The following SLC2A9 variants were observed in gnomAD, a reference collection of about 807,000 sequenced individuals.
The protein encoded by SLC2A9 is solute carrier family 2 member 9.
SLC2A9 carries 39 observed loss-of-function variants against 50.6 expected under a neutral mutation model. The observed-to-expected ratio is 0.77, with a 90% CI of 0.60 to 1.01. The LOEUF is 1.01. Ranked by LOEUF, SLC2A9 falls within the 50% of genes least tolerant of loss-of-function variation. The pLI is 0.00. For missense variants in SLC2A9, 686 were observed against 677.6 expected, an observed-to-expected ratio of 1.01 and a Z score of -0.14; for synonymous variants, 324 against 276.9, an observed-to-expected ratio of 1.17 and a Z score of -1.69.
intron 10 of SLC2A9, among the ~76,000 whole-genome samples, chr4:9,867,039 CT>C (rs1732599900): frequency 6.6e-6 from 1 of 152,228 alleles, no homozygotes; most frequent in South Asian, 2.1e-4. Context: ...CCTTCAAGAA[CT>C]TTTTGTCAGC....
chr4:9,980,083 G>A (rs1391569236), intron 5 of SLC2A9, among the ~76,000 whole-genome samples: 1 of 152,042 alleles, frequency 6.6e-6, no homozygotes, highest in Non-Finnish European at 1.5e-5. Context: ...CATCGAACTG[G>A]GATTCAAATT....
intron 7 of SLC2A9, among the ~76,000 whole-genome samples, chr4:9,909,830 A>G (rs565537152): frequency 1.3e-5 from 2 of 152,336 alleles, no homozygotes; most frequent in Non-Finnish European, 1.5e-5. Context: ...CCTTATGAAC[A>G]TTTATGAACA....
chr4:9,874,110 C>T (rs111467650), intron 10 of SLC2A9, among the ~76,000 whole-genome samples: 8 of 152,256 alleles, frequency 5.3e-5, no homozygotes, highest in South Asian at 4.2e-4. Context: ...TACTCCAGAG[C>T]GTCTCTCCAG....
chr4:9,955,867 A>ATTTTTTTT (rs1170286158), intron 5 of SLC2A9, among the ~76,000 whole-genome samples: 4 of 61,690 alleles, frequency 6.5e-5, no homozygotes, highest in African/African-American at 1.4e-4. Context: ...AAGCATCTGG[A>ATTTTTTTT]TTTTTTTTTT....
chr4:9,821,222 G>T (rs1461508973), intron 3 of SLC2A9, among the ~76,000 whole-genome samples: 1 of 152,110 alleles, frequency 6.6e-6, no homozygotes, highest in African/African-American at 2.4e-5. Context: ...TAATATGGGG[G>T]ATTAAATTGA....
At chr4:9,892,190 C>T (rs372668184) in intron 8 of SLC2A9, among the ~76,000 whole-genome samples, 4 of 152,194 alleles carry the variant, frequency 2.6e-5, no homozygotes, top group East Asian at 1.9e-4. Flanking sequence ...GCTGCCTGTC[C>T]GAAGGGCATA....
At chr4:9,901,351 G>A (rs998251862) in intron 8 of SLC2A9, among the ~76,000 whole-genome samples, 2 of 152,158 alleles carry the variant, frequency 1.3e-5, no homozygotes, top group African/African-American at 4.8e-5. Flanking sequence ...AAAAAGGAAT[G>A]TCTGTCAAGG....
At chr4:9,883,438 C>A (rs1735593820) in intron 10 of SLC2A9, among the ~76,000 whole-genome samples, 1 of 152,204 alleles carries the variant, frequency 6.6e-6, no homozygotes. Flanking sequence ...ATCAGGGGAG[C>A]CCCTAACCCC....
intron 5 of SLC2A9, among the ~76,000 whole-genome samples, chr4:9,959,833 A>G (rs924501253): frequency 8.5e-5 from 13 of 152,172 alleles, no homozygotes; most frequent in African/African-American, 3.1e-4. Flanking sequence ...ACTGAGCTGC[A>G]CAACCAGACT....
At chr4:9,952,546 T>C (rs1471803385) in intron 5 of SLC2A9, among the ~76,000 whole-genome samples, 1 of 152,010 alleles carries the variant, frequency 6.6e-6, no homozygotes, top group Non-Finnish European at 1.5e-5. Flanking sequence ...CTTTTTTTTT[T>C]TTTTAAAGAC....
At chr4:9,910,137 G>T (rs1309197304) in intron 7 of SLC2A9, among the ~76,000 whole-genome samples, 1 of 152,208 alleles carries the variant, frequency 6.6e-6, no homozygotes, top group Non-Finnish European at 1.5e-5. Flanking sequence ...CTTCGAGCTT[G>T]CAGGCATGGA....
chr4:10,014,852 C>G (rs898550151), intron 2 of SLC2A9, among the ~76,000 whole-genome samples: 8 of 152,354 alleles, frequency 5.3e-5, no homozygotes, highest in African/African-American at 1.9e-4. Flanking sequence ...ACAGCTACCC[C>G]TCTCTTCTCA....
At chr4:9,795,954 C>G (rs1577307075), downstream of SLC2A9, among the ~76,000 whole-genome samples, 1 of 152,268 alleles carries the variant, frequency 6.6e-6, no homozygotes, top group South Asian at 2.1e-4. Context: ...CATTTACTGT[C>G]CCAACAAATC....
chr4:10,023,565 T>G (rs1249101299), upstream of SLC2A9, among the ~76,000 whole-genome samples: 1 of 152,152 alleles, frequency 6.6e-6, no homozygotes, highest in Non-Finnish European at 1.5e-5. Context: ...GAACCAGAAA[T>G]TAGGCAGTGG....
chr4:9,820,043 A>G lies in SLC2A9; in HGVS notation n.420+6377T>C, dbSNP rs571810980. ...CTTTTATGGATTGTGTTTTGGTGTTATATCCTAAAGTCTTTGCTTAAATTT... is the reference window on the plus strand; with the variant it reads ...CTTTTATGGATTGTGTTTTGGTGTTGTATCCTAAAGTCTTTGCTTAAATTT... On this transcript the variant is annotated intron_variant and non_coding_transcript_variant, in intron 3 of 3. Transcript: ENST00000503280. Among the ~76,000 whole-genome samples, 344 of 152,386 alleles carry G rather than the reference A, an allele frequency of 2.3e-3. 1 individual carries two copies. The highest frequency in any genetic ancestry group is 0.014 in the South Asian group (66 of 4,830).
intron 6 of SLC2A9, among the ~76,000 whole-genome samples, chr4:9,935,178 T>C (rs549313838): frequency 6.6e-6 from 1 of 152,366 alleles, no homozygotes; most frequent in South Asian, 2.1e-4. Context: ...TGCCCAGTAA[T>C]GGGATTGCTG....
At chr4:9,870,047 G>T (rs1733159963) in intron 10 of SLC2A9, among the ~76,000 whole-genome samples, 1 of 152,268 alleles carries the variant, frequency 6.6e-6, no homozygotes, top group East Asian at 1.9e-4. Context: ...TGGAGGCAGA[G>T]ACTGTGTAGT....
upstream of SLC2A9, chr4:10,025,886 A>AAAAAAAG: frequency 1.2e-6 from 1 of 800,034 alleles, no homozygotes; most frequent in Non-Finnish European, 1.8e-6. Context: ...AGGGAGACAG[A>AAAAAAAG]AAAAAAAAAG....
chr4:9,921,643 A>C (rs1424654259), intron 6 of SLC2A9, among the ~76,000 whole-genome samples: 1 of 152,220 alleles, frequency 6.6e-6, no homozygotes, highest in Non-Finnish European at 1.5e-5. Flanking sequence ...TTGGAGTGTT[A>C]TTTCCAGCAG....
Sources: gnomAD v4.1 joint callset for allele counts (sites outside exome capture counted in the v4.1 genomes callset) on GRCh38, gnomAD v4.1.1 for gene constraint, MANE v1.5 for transcripts, NCBI Gene and HGNC (gene_info 2026-07-23, HGNC 2026-07-21) for gene names.